The following METAP1D variants were observed in gnomAD, a reference collection of about 807,000 sequenced individuals.
METAP1D encodes the protein methionyl aminopeptidase type 1D, mitochondrial, also known as methionine aminopeptidase 1D, mitochondrial.
A neutral mutation model predicts 40.5 loss-of-function variants in METAP1D; 31 were observed. The ratio of observed to expected loss-of-function variants is 0.77; its 90% CI spans 0.58 to 1.03. The LOEUF (loss-of-function observed/expected upper bound fraction) is 1.03. Ranked by LOEUF, METAP1D falls within the 50% of genes least tolerant of loss-of-function variation. The probability of loss-of-function intolerance (pLI) is 0.00; values close to 1 mark genes in which losing one functional copy is unlikely to be tolerated. For missense variants in METAP1D, 411 were observed against 420.7 expected (o/e 0.98, Z 0.20); for synonymous variants, 151 against 146.4 (o/e 1.03, Z -0.22).
chr2:172,079,322 GC>G, intron 8 of METAP1D, 60 bp downstream of exon 8: 3 of 1,543,046 alleles, frequency 1.9e-6, no homozygotes, highest in Non-Finnish European at 2.7e-6. Flanking sequence ...TTTGCCACTG[GC>G]CTAGGCCCGG....
chr2:172,081,203 C>G lies in METAP1D; in HGVS notation c.*797C>G, dbSNP rs923256. On this transcript the variant is annotated 3_prime_UTR_variant, in exon 10 of 10. Coordinates refer to ENST00000315796, the MANE Select transcript of METAP1D (RefSeq NM_199227.3). ...CCCACACGCACGCACGCACGCTAGA[C>G]CGTTTGCTGCACTAGGAATTCGAGC... The G allele has an allele frequency of 0.55, 81,700 of 149,708 alleles. 22,719 individuals are homozygous for G. The highest frequency in any genetic ancestry group is 0.75 in the East Asian group (3,740 of 4,988). 9.3% of individuals were successfully genotyped at this position (149,708 alleles called of 1,614,324 possible). A position where few individuals can be genotyped will look rare whatever the true frequency, so the allele number is the denominator to read the frequency against.
At chr2:172,003,979 T>G (rs576251933) in intron 1 of METAP1D, among the ~76,000 whole-genome samples, 107 of 152,292 alleles carry the variant, frequency 7.0e-4, no homozygotes, top group Non-Finnish European at 1.2e-3. Context: ...TTGGCCAGGC[T>G]GGTCTCTCTT....
intron 1 of METAP1D, among the ~76,000 whole-genome samples, chr2:172,045,809 G>GTATA (rs1159340647): frequency 1.4e-5 from 1 of 69,950 alleles, no homozygotes; most frequent in Non-Finnish European, 2.8e-5. Context: ...GTGTGTGTGT[G>GTATA]TGTGTGTGTG....
At chr2:172,023,103 G>A (rs951429502) in intron 1 of METAP1D, among the ~76,000 whole-genome samples, 1 of 152,132 alleles carries the variant, frequency 6.6e-6, no homozygotes, top group Non-Finnish European at 1.5e-5. Context: ...CAGGAGAATC[G>A]CTTGAACCCA....
At chr2:172,059,699 C>T (rs1690088706) in intron 1 of METAP1D, among the ~76,000 whole-genome samples, 1 of 152,054 alleles carries the variant, frequency 6.6e-6, no homozygotes. Context: ...CAGATTTGGC[C>T]CTTGAGCTGT....
At chr2:172,031,063 T>C (rs1479612850) in intron 1 of METAP1D, among the ~76,000 whole-genome samples, 2 of 152,246 alleles carry the variant, frequency 1.3e-5, no homozygotes, top group African/African-American at 2.4e-5. Flanking sequence ...TCCCCCAGAG[T>C]GTCATATTTT....
At chr2:172,016,454 C>CA (rs572442375) in intron 1 of METAP1D, among the ~76,000 whole-genome samples, 25 of 145,892 alleles carry the variant, frequency 1.7e-4, no homozygotes, top group South Asian at 2.2e-4. Flanking sequence ...CCTGTCTCTA[C>CA]AAAAAAAAAT....
chr2:172,037,896 A>C (rs1395106663), intron 1 of METAP1D, among the ~76,000 whole-genome samples: 1 of 152,104 alleles, frequency 6.6e-6, no homozygotes, highest in Non-Finnish European at 1.5e-5. Context: ...ACTTCCTTTC[A>C]CTTGTTGTAG....
chr2:172,042,790 T>TGTGTGTGTATATGTACACATATAC lies in METAP1D; in HGVS notation c.41-18699_41-18676dup, dbSNP rs1689618624. 5.6e-5 allele frequency among the ~76,000 whole-genome samples: 2 copies of TGTGTGTGTATATGTACACATATAC among 35,874 alleles called. 1 individual carries two copies. Among genetic ancestry groups the TGTGTGTGTATATGTACACATATAC allele is most frequent in the African/African-American group, 1.8e-4 (2 of 11,428 alleles). The allele number at this position is 35,874 out of a possible 152,430, so 23.5% of individuals were successfully genotyped here. On this transcript the variant is annotated intron_variant, in intron 1 of 9. Transcript: ENST00000315796. ...GTGTGTATATGTACACATATACGTG[T>TGTGTGTGTATATGTACACATATAC]GTGTGTGTATATGTACACATATACG...
At chr2:172,049,242 C>A (rs1382753897) in intron 1 of METAP1D, among the ~76,000 whole-genome samples, 1 of 152,008 alleles carries the variant, frequency 6.6e-6, no homozygotes, top group Non-Finnish European at 1.5e-5. Flanking sequence ...GCCTTAGTCT[C>A]CCAAAGTGCT....
intron 1 of METAP1D, among the ~76,000 whole-genome samples, chr2:172,013,502 G>A (rs1481496661): frequency 6.6e-6 from 1 of 152,128 alleles, no homozygotes; most frequent in African/African-American, 2.4e-5. Context: ...TGGGAGAGAG[G>A]GGGATCACAT....
chr2:172,000,459 CTTAAAG>C (rs140453779), intron 1 of METAP1D, among the ~76,000 whole-genome samples: 35,941 of 151,860 alleles, frequency 0.24, 4,880 homozygotes, highest in Middle Eastern at 0.37. Flanking sequence ...CTTCCAGTGA[CTTAAAG>C]TTAAGAAGAT....
At chr2:172,024,162 T>C (rs941154369) in intron 1 of METAP1D, among the ~76,000 whole-genome samples, 1 of 152,132 alleles carries the variant, frequency 6.6e-6, no homozygotes, top group Non-Finnish European at 1.5e-5. Context: ...CCTGGCCTCA[T>C]TGTAAAATTC....
In METAP1D at chr2:172,039,699, G is replaced by A. The variant is rs894974997; in HGVS notation, c.41-21799G>A. Reference sequence around the variant, plus strand: ...TTGTTTTTTTTTGAGATGAACTCTCGCTCTATCGCCCAGGCTGGAGTGCAG... The same window carrying A: ...TTGTTTTTTTTTGAGATGAACTCTCACTCTATCGCCCAGGCTGGAGTGCAG... On this transcript the variant is annotated intron_variant, in intron 1 of 9. Coordinates refer to ENST00000315796, the MANE Select transcript of METAP1D (RefSeq NM_199227.3). 1.4e-4 allele frequency among the ~76,000 whole-genome samples: 21 copies of A among 145,014 alleles called. No individual in the cohort carries two copies. In the East Asian group the frequency reaches 2.4e-3, roughly 17 times the overall value.
At chr2:172,068,162 T>A (rs1001286449) in intron 5 of METAP1D, among the ~76,000 whole-genome samples, 1 of 152,172 alleles carries the variant, frequency 6.6e-6, no homozygotes, top group African/African-American at 2.4e-5. Context: ...GGCAGGCGGA[T>A]CACCTGAGGT....
chr2:172,045,144 AAAT>A (rs1197465234), intron 1 of METAP1D, among the ~76,000 whole-genome samples: 2 of 134,682 alleles, frequency 1.5e-5, no homozygotes, highest in Non-Finnish European at 3.5e-5. Context: ...ACAGTTTTGC[AAAT>A]ATGTTAAAGT....
At chr2:172,016,634 A>G (rs926132412) in intron 1 of METAP1D, among the ~76,000 whole-genome samples, 3 of 151,564 alleles carry the variant, frequency 2.0e-5, no homozygotes, top group Non-Finnish European at 4.4e-5. Flanking sequence ...CCCCCCAAAA[A>G]AGAAAGAAAG....
Position 172,042,702 on chromosome 2 carries a change from CGTGT to C in METAP1D, c.41-18787_41-18784del, listed in dbSNP as rs1175410777. ...GTATGTGTATATGTGTACACATATA[CGTGT>C]GTGTGTGTATATGTGTACACATATA... On this transcript the variant is annotated intron_variant, in intron 1 of 9. Coordinates refer to ENST00000315796, the MANE Select transcript of METAP1D (RefSeq NM_199227.3). 2.2e-4 allele frequency among the ~76,000 whole-genome samples: 2 copies of C among 9,276 alleles called. 1 individual carries two copies. Among genetic ancestry groups the C allele is most frequent in the East Asian group, 0.032 (2 of 62 alleles). The allele number at this position is 9,276 out of a possible 152,430, so 6.1% of individuals were successfully genotyped here.
intron 1 of METAP1D, among the ~76,000 whole-genome samples, chr2:172,042,963 ATG>A (rs573893261): frequency 7.8e-6 from 1 of 127,434 alleles, no homozygotes; most frequent in South Asian, 2.5e-4. Flanking sequence ...GTGTATATAT[ATG>A]CGTACATGTG....
Sources: allele counts gnomAD v4.1 joint callset (sites outside exome capture counted in the v4.1 genomes callset), GRCh38; gene constraint gnomAD v4.1.1; transcripts MANE v1.5; gene names NCBI Gene and HGNC (gene_info 2026-07-23, HGNC 2026-07-21).